The following TBC1D14 variants were observed in gnomAD, a reference collection of about 807,000 sequenced individuals.
The protein encoded by TBC1D14 is TBC1 domain family member 14, also known as TBC1 domain family, member 14.
TBC1D14 carries 26 observed loss-of-function variants against 79.0 expected under a neutral mutation model. That is an observed-to-expected ratio of 0.33 (90% CI 0.24 to 0.46). TBC1D14 has a LOEUF of 0.46. Ranked by LOEUF, TBC1D14 falls within the 20% of genes least tolerant of loss-of-function variation. The pLI, the probability that TBC1D14 is intolerant of heterozygous loss-of-function variation, is 1.00. For missense variants in TBC1D14, 769 were observed against 887.6 expected (o/e 0.87, Z 1.70); for synonymous variants, 394 against 349.9 (o/e 1.13, Z -1.40).
intron 2 of TBC1D14, among the ~76,000 whole-genome samples, chr4:6,933,991 G>T (rs1712048872): frequency 6.6e-6 from 1 of 152,196 alleles, no homozygotes; most frequent in African/African-American, 2.4e-5. Context: ...TTCGGCCTCA[G>T]CCAGTGGAAA....
intron 5 of TBC1D14, among the ~76,000 whole-genome samples, chr4:6,997,910 G>C (rs1719231604): frequency 6.6e-6 from 1 of 152,138 alleles, no homozygotes; most frequent in Non-Finnish European, 1.5e-5. Context: ...GTTTGATTTG[G>C]GAAAATGAGA....
In TBC1D14 at chr4:6,994,289, G is replaced by A; in HGVS notation, c.949G>A (p.Glu317Lys). ...ACTTTCCACCACCGCACTCATCCTC[G>A]AGGACAGACCAGCGTGAGTTTAAGA... The part of the protein sequence containing the change: ...EPLSTTALIL[E>K]DRPANLPAKP... Residue 317 changes from glutamate to lysine, a missense_variant, in exon 4 of 14, where the codon GAG becomes AAG. Physicochemically the swap from Glu to Lys is moderately conservative, Grantham distance 56. Around this residue, in one of 2 missense-constraint regions of TBC1D14, gnomAD observed 367 missense variants for 494.4 expected, o/e 0.74. Coordinates refer to ENST00000409757, the MANE Select transcript of TBC1D14 (RefSeq NM_020773.3). 2 of 1,614,056 alleles carry A rather than the reference G, an allele frequency of 1.2e-6. No individual in the cohort carries two copies. The highest frequency in any genetic ancestry group is 1.7e-6 in the Non-Finnish European group (2 of 1,179,914).
chr4:7,020,382 C>A (rs1721709463), intron 12 of TBC1D14, among the ~76,000 whole-genome samples: 1 of 152,210 alleles, frequency 6.6e-6, no homozygotes, highest in Non-Finnish European at 1.5e-5. Flanking sequence ...TCTAATGAGG[C>A]TCAGTAGTAA....
intron 3 of TBC1D14, among the ~76,000 whole-genome samples, chr4:6,983,262 G>A (rs1340339923): frequency 6.6e-6 from 1 of 152,066 alleles, no homozygotes; most frequent in African/African-American, 2.4e-5. Flanking sequence ...GTGAGCCACC[G>A]TACCCGGCCT....
intron 1 of TBC1D14, among the ~76,000 whole-genome samples, chr4:6,914,899 C>T (rs182544936): frequency 3.9e-5 from 6 of 152,196 alleles, no homozygotes; most frequent in African/African-American, 1.2e-4. Flanking sequence ...ATTAGCCGGG[C>T]GTGGTGGTGG....
chr4:6,967,166 T>C, intron 2 of TBC1D14, 138 bp from the exon 3 acceptor site: 1 of 1,173,090 alleles, frequency 8.5e-7, no homozygotes, highest in Middle Eastern at 2.1e-4. Flanking sequence ...TCTGTGTCTG[T>C]ATGAAAATCA....
At chr4:6,986,617 G>T (rs1717854194) in intron 3 of TBC1D14, among the ~76,000 whole-genome samples, 2 of 152,206 alleles carry the variant, frequency 1.3e-5, no homozygotes, top group African/African-American at 2.4e-5. Context: ...GACCGGACTT[G>T]CTCAGCCCTG....
chr4:6,918,709 A>G (rs1334018637), intron 1 of TBC1D14, among the ~76,000 whole-genome samples: 1 of 152,124 alleles, frequency 6.6e-6, no homozygotes, highest in Non-Finnish European at 1.5e-5. Context: ...TTCCTCTTAC[A>G]TGTGTGGCTT....
At chr4:7,004,075 G>A (rs536093297) in intron 7 of TBC1D14, among the ~76,000 whole-genome samples, 14 of 152,176 alleles carry the variant, frequency 9.2e-5, no homozygotes, top group African/African-American at 1.9e-4. Context: ...GGAACAGGGC[G>A]CTGAGAAGGA....
chr4:6,942,164 T>A (rs1212776358), intron 2 of TBC1D14, among the ~76,000 whole-genome samples: 1 of 152,274 alleles, frequency 6.6e-6, no homozygotes, highest in Non-Finnish European at 1.5e-5. Context: ...TTCCTCCTAT[T>A]TCCTATCTTA....
At chr4:6,936,884 T>C (rs899432540) in intron 2 of TBC1D14, among the ~76,000 whole-genome samples, 1 of 152,164 alleles carries the variant, frequency 6.6e-6, no homozygotes, top group African/African-American at 2.4e-5. Context: ...GATGGGTGTC[T>C]TAGTCCGTTT....
At chr4:7,025,420 C>T (rs1056329909) in intron 13 of TBC1D14, among the ~76,000 whole-genome samples, 158 bp downstream of exon 13, 40 of 152,332 alleles carry the variant, frequency 2.6e-4, no homozygotes, top group African/African-American at 7.9e-4. Flanking sequence ...GGCTGTGCCA[C>T]AGGGCGTCTC....
At chr4:6,937,876 C>CA (rs1712497332) in intron 2 of TBC1D14, among the ~76,000 whole-genome samples, 1 of 152,110 alleles carries the variant, frequency 6.6e-6, no homozygotes. Context: ...GGGGAGGCTC[C>CA]AGTCACACAG....
intron 6 of TBC1D14, 89 bp downstream of exon 6, chr4:6,999,291 G>A (rs1719414218): frequency 8.7e-7 from 1 of 1,155,428 alleles, no homozygotes; most frequent in African/African-American, 1.5e-5. Flanking sequence ...AGCCAGCAGT[G>A]ACACCCTGGA....
chr4:7,008,240 G>A (rs1419783071), intron 9 of TBC1D14, among the ~76,000 whole-genome samples: 2 of 152,158 alleles, frequency 1.3e-5, no homozygotes, highest in Non-Finnish European at 2.9e-5. Flanking sequence ...GGTGGGCGGA[G>A]GCCAAAGAAG....
At chr4:6,941,598 C>T (rs946007212) in intron 2 of TBC1D14, among the ~76,000 whole-genome samples, 1 of 151,994 alleles carries the variant, frequency 6.6e-6, no homozygotes, top group African/African-American at 2.4e-5. Flanking sequence ...TCAGGAATGG[C>T]GTGAACTGAA....
intron 2 of TBC1D14, among the ~76,000 whole-genome samples, chr4:6,930,920 A>G (rs971304563): frequency 2.6e-5 from 4 of 151,744 alleles, no homozygotes; most frequent in African/African-American, 9.7e-5. Context: ...AATGTTTTTG[A>G]GATGAAATCT....
chr4:6,959,989 C>T (rs1180884677), intron 2 of TBC1D14, among the ~76,000 whole-genome samples: 3 of 151,626 alleles, frequency 2.0e-5, no homozygotes, highest in East Asian at 1.9e-4. Flanking sequence ...TTTTTATGAA[C>T]TTTTTTCCAT....
intron 2 of TBC1D14, among the ~76,000 whole-genome samples, chr4:6,932,274 TGCTTGAACCATTCGG>T (rs569178371): frequency 3.5e-4 from 53 of 151,880 alleles, no homozygotes; most frequent in Middle Eastern, 3.4e-3. Context: ...GCAGGAGAAT[TGCTTGAACCATTCGG>T]GCTTGAACCC....
Sources: gnomAD v4.1 joint callset for allele counts (sites outside exome capture counted in the v4.1 genomes callset) on GRCh38, gnomAD v4.1.1 for gene constraint, gnomAD v4.1.1 regional missense constraint, MANE v1.5 for transcripts, NCBI Gene and HGNC (gene_info 2026-07-23, HGNC 2026-07-21) for gene names.